Variants in ARL15 observed in about 807,000 individuals in gnomAD.
ARL15 encodes ARF like GTPase 15.
A neutral mutation model predicts 25.2 loss-of-function variants in ARL15; 19 were observed. The ratio of observed to expected loss-of-function variants is 0.75; its 90% CI spans 0.53 to 1.10. ARL15 has a LOEUF of 1.10. Ranked by LOEUF, ARL15 falls within the 50% of genes least tolerant of loss-of-function variation. The probability of loss-of-function intolerance (pLI) is 0.00; values close to 1 mark genes in which losing one functional copy is unlikely to be tolerated. For missense variants in ARL15, 220 were observed against 246.0 expected (o/e 0.89, Z 0.71); for synonymous variants, 94 against 86.8 (o/e 1.08, Z -0.46).
At chr5:54,008,117 T>C (rs1482795805) in intron 4 of ARL15, among the ~76,000 whole-genome samples, 3 of 152,214 alleles carry the variant, frequency 2.0e-5, no homozygotes, top group Non-Finnish European at 2.9e-5. Flanking sequence ...AAACAGACTT[T>C]TTGTTTTTAA....
At chr5:53,903,463 C>G (rs1745135335) in intron 4 of ARL15, among the ~76,000 whole-genome samples, 1 of 152,086 alleles carries the variant, frequency 6.6e-6, no homozygotes, top group South Asian at 2.1e-4. Context: ...TGGCTAACAT[C>G]CTCCAATGCA....
chr5:54,057,608 G>C (rs1437008649), intron 4 of ARL15, among the ~76,000 whole-genome samples: 2 of 152,198 alleles, frequency 1.3e-5, no homozygotes, highest in Non-Finnish European at 2.9e-5. Flanking sequence ...TCAGCAGTTT[G>C]GGAAACTGAG....
intron 1 of ARL15, among the ~76,000 whole-genome samples, chr5:54,236,324 T>A (rs925432203): frequency 6.6e-6 from 1 of 152,086 alleles, no homozygotes; most frequent in East Asian, 1.9e-4. Flanking sequence ...CCATACAGCC[T>A]GGTGGGTACA....
At chr5:54,307,412 C>T (rs1230333373) in intron 1 of ARL15, among the ~76,000 whole-genome samples, 2 of 152,086 alleles carry the variant, frequency 1.3e-5, no homozygotes, top group Non-Finnish European at 2.9e-5. Flanking sequence ...TTAATACATG[C>T]CAGAAACCAA....
chr5:53,986,747 A>C (rs974032582), intron 4 of ARL15, among the ~76,000 whole-genome samples: 5 of 152,242 alleles, frequency 3.3e-5, no homozygotes, highest in African/African-American at 9.6e-5. Flanking sequence ...AAAAGAAATT[A>C]TTAGGCATCT....
intron 2 of ARL15, among the ~76,000 whole-genome samples, chr5:54,171,130 T>C (rs1160718183): frequency 6.6e-6 from 1 of 152,210 alleles, no homozygotes; most frequent in African/African-American, 2.4e-5. Flanking sequence ...TTGGGCCTGA[T>C]AACTCTTTGC....
At chr5:53,919,854 G>T (rs1044632096) in intron 4 of ARL15, among the ~76,000 whole-genome samples, 2 of 152,158 alleles carry the variant, frequency 1.3e-5, no homozygotes, top group African/African-American at 4.8e-5. Flanking sequence ...TGTGCAACTT[G>T]AACTAGAAAG....
intron 1 of ARL15, among the ~76,000 whole-genome samples, chr5:54,291,896 G>A (rs16882597): frequency 0.018 from 2,666 of 152,194 alleles, 91 homozygotes; most frequent in African/African-American, 0.06. Context: ...GGCTCCCCTG[G>A]GGCTTGGGTT....
intron 1 of ARL15, among the ~76,000 whole-genome samples, chr5:54,272,441 G>A (rs1757814260): frequency 6.6e-6 from 1 of 152,062 alleles, no homozygotes; most frequent in Non-Finnish European, 1.5e-5. Flanking sequence ...GACCATCCAT[G>A]AAAAGAAAGT....
At chr5:54,097,049 C>CT in intron 4 of ARL15, among the ~76,000 whole-genome samples, 1 of 152,270 alleles carries the variant, frequency 6.6e-6, no homozygotes, top group East Asian at 1.9e-4. Context: ...AAGGCAACAA[C>CT]TACCCATGGA....
intron 3 of ARL15, among the ~76,000 whole-genome samples, chr5:54,142,756 T>C (rs766184131): frequency 1.3e-5 from 2 of 152,222 alleles, no homozygotes; most frequent in African/African-American, 2.4e-5. Context: ...TAAATGAGTC[T>C]ACTGGAAGTG....
At chr5:54,292,640 G>T (rs1758363460) in intron 1 of ARL15, among the ~76,000 whole-genome samples, 1 of 152,070 alleles carries the variant, frequency 6.6e-6, no homozygotes, top group African/African-American at 2.4e-5. Context: ...TAGAAATTGA[G>T]TAGAACCACG....
rs547618409 is a variant in ARL15, at chr5:54,128,579, CT to C, written c.254-15170del. 7.2e-5 allele frequency among the ~76,000 whole-genome samples: 11 copies of C among 152,298 alleles called. No homozygotes were observed. In the East Asian group the frequency reaches 1.9e-3, roughly 27 times the overall value. On this transcript the variant is annotated intron_variant, in intron 3 of 4. Coordinates refer to ENST00000504924, the MANE Select transcript of ARL15 (RefSeq NM_019087.3). ...GTGGCAAACCAAATAGACATGACCC[CT>C]GCCTGACTCATGAGCTCACAGTCTC...
Position 54,032,240 on chromosome 5 carries a change from T to TC in ARL15, c.462+80961_462+80962insG, listed in dbSNP as rs1299222558. Reference sequence around the variant, plus strand: ...TCATGGGTTTTTTTATTCTTCTTCTTATTTTTTTTTTGAGACAGAGTCTCA... The same window carrying TC: ...TCATGGGTTTTTTTATTCTTCTTCTTCATTTTTTTTTTGAGACAGAGTCTCA... On this transcript the variant is annotated intron_variant, in intron 4 of 4. Coordinates refer to ENST00000504924, the MANE Select transcript of ARL15 (RefSeq NM_019087.3). 5.2e-3 allele frequency among the ~76,000 whole-genome samples: 792 copies of TC among 152,066 alleles called. 3 individuals carry two copies. Among genetic ancestry groups the TC allele is most frequent in the Admixed American group, 0.011 (172 of 15,254 alleles).
intron 4 of ARL15, among the ~76,000 whole-genome samples, chr5:54,075,350 T>TA (rs2112088285): frequency 6.6e-6 from 1 of 152,330 alleles, no homozygotes; most frequent in South Asian, 2.1e-4. Context: ...ATTACAGAAG[T>TA]AAAGTTTTAG....
chr5:53,947,093 T>TCG (rs932603420), intron 4 of ARL15, among the ~76,000 whole-genome samples: 1 of 151,832 alleles, frequency 6.6e-6, no homozygotes, highest in African/African-American at 2.4e-5. Context: ...AACATGAGGT[T>TCG]CGCTAGTCTG....
At chr5:53,969,690 A>G (rs1440703308) in intron 4 of ARL15, among the ~76,000 whole-genome samples, 5 of 152,274 alleles carry the variant, frequency 3.3e-5, no homozygotes, top group Middle Eastern at 3.4e-3. Context: ...ACCCACTACA[A>G]AGCATGCAAT....
chr5:54,171,215 C>G (rs1234369125), intron 2 of ARL15, among the ~76,000 whole-genome samples: 4 of 152,056 alleles, frequency 2.6e-5, no homozygotes, highest in African/African-American at 9.7e-5. Flanking sequence ...CCAGTAATAC[C>G]CCTCCCCACA....
intron 4 of ARL15, among the ~76,000 whole-genome samples, chr5:53,940,271 C>T (rs1056201302): frequency 1.3e-5 from 2 of 152,166 alleles, no homozygotes; most frequent in Non-Finnish European, 2.9e-5. Flanking sequence ...CCGCGCCCGG[C>T]AGTCCTGAAG....
Sources: gnomAD v4.1 joint callset for allele counts (sites outside exome capture counted in the v4.1 genomes callset) on GRCh38, gnomAD v4.1.1 for gene constraint, MANE v1.5 for transcripts, NCBI Gene and HGNC (gene_info 2026-07-23, HGNC 2026-07-21) for gene names.